Variants in GRK3 observed in about 807,000 individuals in gnomAD.
The protein encoded by GRK3 is adrenergic, beta, receptor kinase 2.
GRK3 carries 54 observed loss-of-function variants against 95.7 expected under a neutral mutation model. That is an observed-to-expected ratio of 0.56 (90% CI 0.45 to 0.71). The LOEUF is 0.71. GRK3 is among the 30% of genes least tolerant of loss of function. The pLI is 0.00. For synonymous variants in GRK3, 281 were observed against 290.8 expected, an observed-to-expected ratio of 0.97 and a Z score of 0.34; for missense variants, 649 against 851.2, an observed-to-expected ratio of 0.76 and a Z score of 2.96.
chr22:25,712,531 C>A (rs1053910198), intron 17 of GRK3, among the ~76,000 whole-genome samples: 2 of 152,188 alleles, frequency 1.3e-5, no homozygotes, highest in East Asian at 1.9e-4. Flanking sequence ...TGGGTGCCCA[C>A]AAACATTTTT....
intron 2 of GRK3, among the ~76,000 whole-genome samples, chr22:25,622,460 A>T (rs2084593789): frequency 6.6e-6 from 1 of 152,114 alleles, no homozygotes; most frequent in South Asian, 2.1e-4. Flanking sequence ...TGATCAGGGG[A>T]TCATGTGGAG....
rs112488161 is a variant in GRK3 at position 25,721,176 on chromosome 22, A to G, written c.1792-108A>G. ...TCTAGAATACCATCAAAGAAAGAAA[A>G]CCGAATGTGTTTTCTTTTTTTACTT... On this transcript the variant is annotated intron_variant, in intron 19 of 20. Coordinates refer to ENST00000324198, the MANE Select transcript of GRK3 (RefSeq NM_005160.4). 964 of 549,210 alleles carry G rather than the reference A, an allele frequency of 1.8e-3. 7 individuals are homozygous for G. The African/African-American group carries it at 0.018, about 10-fold the overall frequency. The allele number at this position is 549,210 out of a possible 1,614,324, so 34.0% of individuals were successfully genotyped here.
intron 2 of GRK3, among the ~76,000 whole-genome samples, chr22:25,620,775 T>G (rs1364994051): frequency 6.6e-6 from 1 of 152,176 alleles, no homozygotes; most frequent in African/African-American, 2.4e-5. Context: ...GTGGTTCAGT[T>G]GACAGCACCG....
At position 25,729,106 on chromosome 22, in the gene GRK3, C is replaced by CA. The variant is rs1232734168; in HGVS notation, c.*6657dup. On this transcript the variant is annotated 3_prime_UTR_variant, in exon 21 of 21. Transcript: ENST00000324198. ...AGGTTTATAATCCCTTCTCAGTATACACTCACTAGTGCACGTCTGAAATAG... is the reference window on the plus strand; with the variant it reads ...AGGTTTATAATCCCTTCTCAGTATACAACTCACTAGTGCACGTCTGAAATAG... 1 of 152,174 alleles carries CA rather than the reference C, an allele frequency of 6.6e-6. No individual in the cohort carries two copies. The highest frequency in any genetic ancestry group is 1.5e-5 in the Non-Finnish European group (1 of 68,026). The allele number at this position is 152,174 out of a possible 1,614,324, so 9.4% of individuals were successfully genotyped here.
chr22:25,644,712 T>A, intron 3 of GRK3, 47 bp downstream of exon 3: 1 of 979,592 alleles, frequency 1.0e-6, no homozygotes, highest in Non-Finnish European at 1.6e-6. Flanking sequence ...AAAGCATATT[T>A]AAACTGTACT....
Position 25,726,384 on chromosome 22 carries a change from G to A in GRK3, c.*3934G>A, listed in dbSNP as rs1320591860. ...CTATAGAAATGCTTTGAAATGTGCT[G>A]GTGTAAGATAAGAGTTATCTTGTAT... On this transcript the variant is annotated 3_prime_UTR_variant, in exon 21 of 21. Transcript: ENST00000324198. 6.6e-6 allele frequency: 1 copy of A among 152,166 alleles called. No homozygotes were observed. The highest frequency in any genetic ancestry group is 1.5e-5 in the Non-Finnish European group (1 of 68,024). The allele number at this position is 152,166 out of a possible 1,614,324, so 9.4% of individuals were successfully genotyped here.
At chr22:25,711,856 GC>G (rs1227556242) in intron 17 of GRK3, among the ~76,000 whole-genome samples, 1 of 152,066 alleles carries the variant, frequency 6.6e-6, no homozygotes, top group Non-Finnish European at 1.5e-5. Context: ...ACACAAACCC[GC>G]GTTGCCTTCC....
intron 4 of GRK3, among the ~76,000 whole-genome samples, chr22:25,662,084 A>C (rs1039507655): frequency 6.6e-6 from 1 of 152,238 alleles, no homozygotes. Flanking sequence ...GTGGCTTATA[A>C]TCATTGTGTT....
At chr22:25,648,017 G>A (rs2084798676) in intron 3 of GRK3, 2 of 493,768 alleles carry the variant, frequency 4.1e-6, no homozygotes, top group Middle Eastern at 5.7e-4. Flanking sequence ...TCAGGAGGCT[G>A]AGGCAGCAGA....
chr22:25,703,407 A>G, intron 13 of GRK3, 103 bp from the exon 14 acceptor site: 1 of 788,182 alleles, frequency 1.3e-6, no homozygotes, highest in Non-Finnish European at 2.1e-6. Flanking sequence ...CCAGTTTTGA[A>G]TGAATAGTGA....
In GRK3 at chr22:25,703,567, A is replaced by T. The variant is rs768263060; in HGVS notation, c.1218A>T (p.Thr406=). The T allele has an allele frequency of 5.0e-6, 8 of 1,611,950 alleles. No individual in the cohort carries two copies. The South Asian group carries it at 8.8e-5, about 18-fold the overall frequency. Residue 406 remains threonine, a synonymous_variant, in exon 14 of 21, where the codon ACA becomes ACT. Coordinates refer to ENST00000324198, the MANE Select transcript of GRK3 (RefSeq NM_005160.4). ...TKDKHEIDRM[T]LTVNVELPDT... ...ACAAGCATGAAATTGACCGAATGAC[A>T]CTCACCGTGGTAAGGGGATTCAAAA... is the stretch of plus-strand genomic sequence containing the variant.
chr22:25,663,244 C>T (rs1414059459), intron 4 of GRK3, among the ~76,000 whole-genome samples: 3 of 152,096 alleles, frequency 2.0e-5, no homozygotes, highest in Non-Finnish European at 2.9e-5. Context: ...AGGCTGATCG[C>T]GAACTTCTGG....
At chr22:25,704,704 G>A (rs188573214) in intron 15 of GRK3, among the ~76,000 whole-genome samples, 18 of 152,314 alleles carry the variant, frequency 1.2e-4, no homozygotes, top group Non-Finnish European at 7.4e-5. Context: ...AGCCACTGCG[G>A]CCAGCCCACT....
intron 11 of GRK3, among the ~76,000 whole-genome samples, chr22:25,687,974 T>A (rs111938451): frequency 3.9e-5 from 6 of 152,164 alleles, no homozygotes; most frequent in South Asian, 2.1e-4. Context: ...CGGTGGCTCA[T>A]GCCTGTAATC....
At chr22:25,699,461 T>C (rs376289768) in intron 13 of GRK3, among the ~76,000 whole-genome samples, 13 of 152,188 alleles carry the variant, frequency 8.5e-5, no homozygotes, top group Admixed American at 3.9e-4. Context: ...GGGAAGTGGC[T>C]GCTACTGGCA....
At chr22:25,579,666 G>A (rs1178191004) in intron 1 of GRK3, among the ~76,000 whole-genome samples, 2 of 151,784 alleles carry the variant, frequency 1.3e-5, no homozygotes, top group Non-Finnish European at 2.9e-5. Context: ...TAGAGACGTG[G>A]TTTCACCGCG....
At chr22:25,586,532 A>C (rs1414707936) in intron 1 of GRK3, among the ~76,000 whole-genome samples, 5 of 152,290 alleles carry the variant, frequency 3.3e-5, no homozygotes, top group Admixed American at 2.0e-4. Flanking sequence ...ATTAAAAAAA[A>C]TCATGACAGT....
rs908832852 is a variant in GRK3, at chr22:25,727,172, A to C, written c.*4722A>C. The stretch of plus-strand genomic sequence containing the variant: ...CCATCTCTACAAAAAAAATTTTTTT[A>C]AGTAATTAACCGTTTAAATTTTTTC... On this transcript the variant is annotated 3_prime_UTR_variant, in exon 21 of 21. Transcript: ENST00000324198. 7 of 152,200 alleles carry C rather than the reference A, an allele frequency of 4.6e-5. No homozygotes were observed. Among genetic ancestry groups the C allele is most frequent in the Non-Finnish European group, 8.8e-5 (6 of 68,040 alleles). The allele number at this position is 152,200 out of a possible 1,614,324, so 9.4% of individuals were successfully genotyped here. A position where few individuals can be genotyped will look rare whatever the true frequency, so the allele number is the denominator to read the frequency against.
rs536932655 is a variant in GRK3 at position 25,655,941 on chromosome 22, G to T, written c.265-5635G>T. Among the ~76,000 whole-genome samples, 14 of 152,296 alleles carry T rather than the reference G, an allele frequency of 9.2e-5. No individual in the cohort carries two copies. The South Asian group carries it at 2.9e-3, about 32-fold the overall frequency. ...TGTCTATAATATGCTGTTCCGTTAC[G>T]TGCAGCATAGTGGTTGAAAGTTCTA... is the stretch of plus-strand genomic sequence containing the variant. On this transcript the variant is annotated intron_variant, in intron 3 of 20. Transcript: ENST00000324198.
Sources: gnomAD v4.1 joint callset for allele counts (sites outside exome capture counted in the v4.1 genomes callset) on GRCh38, gnomAD v4.1.1 for gene constraint, MANE v1.5 for transcripts, NCBI Gene and HGNC (gene_info 2026-07-23, HGNC 2026-07-21) for gene names.